Variants in TMPRSS4 observed in about 807,000 individuals in gnomAD.
The protein encoded by TMPRSS4 is transmembrane serine protease 4.
TMPRSS4 carries 45 observed loss-of-function variants against 56.4 expected under a neutral mutation model. The ratio of observed to expected loss-of-function variants is 0.80; its 90% CI spans 0.63 to 1.02. TMPRSS4 has a LOEUF of 1.02. TMPRSS4 is among the 50% of genes least tolerant of loss of function. The probability of loss-of-function intolerance (pLI) is 0.00; values close to 1 mark genes in which losing one functional copy is unlikely to be tolerated. For missense variants in TMPRSS4, 546 were observed against 556.7 expected, an observed-to-expected ratio of 0.98 and a Z score of 0.19; for synonymous variants, 205 against 211.0, an observed-to-expected ratio of 0.97 and a Z score of 0.25.
intron 4 of TMPRSS4, 108 bp from the exon 5 acceptor site, chr11:118,104,583 C>A: frequency 6.5e-7 from 1 of 1,536,610 alleles, no homozygotes; most frequent in African/African-American, 1.4e-5. Flanking sequence ...CTCTGTGGCA[C>A]CCCCAGTTCT....
At position 118,115,250 on chromosome 11, in the gene TMPRSS4, C is replaced by T; in HGVS notation, c.1122C>T (p.Gly374=). 6.2e-7 allele frequency: 1 copy of T among 1,612,862 alleles called. No homozygotes were observed. The highest frequency in any genetic ancestry group is 8.5e-7 in the Non-Finnish European group (1 of 1,179,886). ...GEVTEKMMCA[G]IPEGGVDTCQ... ...TCACCGAGAAGATGATGTGTGCAGG[C>T]ATCCCGGAAGGGGGTGTGGACACCT... The change falls in exon 11 of 13, where the codon GGC becomes GGT. Residue 374 remains glycine, a synonymous_variant. Transcript: ENST00000437212.
chr11:118,094,357 A>T (rs187291430), intron 1 of TMPRSS4, among the ~76,000 whole-genome samples: 1 of 152,194 alleles, frequency 6.6e-6, no homozygotes, highest in East Asian at 1.9e-4. Flanking sequence ...GAGAAATTTT[A>T]TTGTGGTTTG....
At chr11:118,107,950 C>T (rs549169635) in intron 6 of TMPRSS4, 75 bp downstream of exon 6, 2 of 1,245,676 alleles carry the variant, frequency 1.6e-6, no homozygotes, top group Non-Finnish European at 1.2e-6. Flanking sequence ...AACCAGCTCA[C>T]CTGGAACCCC....
intron 1 of TMPRSS4, among the ~76,000 whole-genome samples, chr11:118,087,325 G>T (rs1446997350): frequency 6.6e-6 from 1 of 152,222 alleles, no homozygotes; most frequent in African/African-American, 2.4e-5. Flanking sequence ...GGGACAGGAT[G>T]CTTGGCAAGG....
At chr11:118,084,058 A>G (rs990598395) in intron 1 of TMPRSS4, among the ~76,000 whole-genome samples, 11 of 152,112 alleles carry the variant, frequency 7.2e-5, no homozygotes, top group Non-Finnish European at 1.3e-4. Flanking sequence ...CAAAAAAACA[A>G]TTATCGTACT....
chr11:118,091,751 A>G (rs946092404), intron 1 of TMPRSS4, among the ~76,000 whole-genome samples: 2 of 152,210 alleles, frequency 1.3e-5, no homozygotes, highest in East Asian at 1.9e-4. Flanking sequence ...TGACTAGACA[A>G]GAGTTAGATG....
At chr11:118,084,615 G>T (rs988599224) in intron 1 of TMPRSS4, among the ~76,000 whole-genome samples, 3 of 152,188 alleles carry the variant, frequency 2.0e-5, no homozygotes, top group African/African-American at 7.2e-5. Flanking sequence ...CAGAACCACA[G>T]CACAGACCCT....
At chr11:118,088,516 G>A (rs887531725) in intron 1 of TMPRSS4, among the ~76,000 whole-genome samples, 1 of 152,152 alleles carries the variant, frequency 6.6e-6, no homozygotes, top group Non-Finnish European at 1.5e-5. Context: ...CCGCTACCTG[G>A]GCCCTGGGGG....
chr11:118,101,696 C>G lies in TMPRSS4; in HGVS notation c.158-1405C>G, dbSNP rs549035740. Among the ~76,000 whole-genome samples the G allele has an allele frequency of 1.3e-5, 2 of 152,274 alleles. 1 individual carries two copies. The highest frequency in any genetic ancestry group is 4.1e-4 in the South Asian group (2 of 4,820). On this transcript the variant is annotated intron_variant, in intron 3 of 12. Transcript: ENST00000437212. ...GTCTCACTATGTTGCCGAGACTGAT[C>G]TTGAATTCCTGGGCTCAAACAATCC...
At chr11:118,114,758 C>A in intron 9 of TMPRSS4, 71 bp from the exon 10 acceptor site, 1 of 1,406,242 alleles carries the variant, frequency 7.1e-7, no homozygotes, top group Non-Finnish European at 9.8e-7. Flanking sequence ...AATCATAAAG[C>A]ATCATAATTT....
intron 1 of TMPRSS4, among the ~76,000 whole-genome samples, chr11:118,093,878 A>C (rs1202419600): frequency 1.3e-5 from 2 of 149,788 alleles, no homozygotes; most frequent in African/African-American, 4.9e-5. Context: ...CTTGCCTTTT[A>C]AACTTTATAT....
At chr11:118,124,968 C>G (rs1947860422), downstream of TMPRSS4, among the ~76,000 whole-genome samples, 1 of 152,338 alleles carries the variant, frequency 6.6e-6, no homozygotes, top group East Asian at 1.9e-4. Flanking sequence ...CCAGCTCTGG[C>G]CCCTTCCATT....
At position 118,107,991 on chromosome 11, in the gene TMPRSS4, G is replaced by A. The variant is rs995172410; in HGVS notation, c.542+116G>A. On this transcript the variant is annotated intron_variant, in intron 6 of 12. Coordinates refer to ENST00000437212, the MANE Select transcript of TMPRSS4 (RefSeq NM_019894.4). ...GCCAGGGGAATGTAAGCAGACATCA[G>A]GAAGAACTCCTAGCCAGATGGATCA... The A allele has an allele frequency of 3.9e-6, 3 of 770,190 alleles. No individual in the cohort carries two copies. The African/African-American group carries it at 5.2e-5, about 13-fold the overall frequency. 47.7% of individuals were successfully genotyped at this position (770,190 alleles called of 1,614,324 possible).
chr11:118,079,985 C>T (rs1452150795), intron 1 of TMPRSS4, among the ~76,000 whole-genome samples: 1 of 152,132 alleles, frequency 6.6e-6, no homozygotes, highest in African/African-American at 2.4e-5. Flanking sequence ...GGTGACAGGG[C>T]CTGGTGTCAC....
chr11:118,099,079 C>T lies in TMPRSS4; in HGVS notation c.138C>T (p.Ile46=). 6.2e-7 allele frequency: 1 copy of T among 1,613,914 alleles called. No individual in the cohort carries two copies. The highest frequency in any genetic ancestry group is 8.5e-7 in the Non-Finnish European group (1 of 1,179,906). Residue 46 remains isoleucine (I), a synonymous_variant, in exon 3 of 13, where the codon ATC becomes ATT. Transcript: ENST00000437212. ...TAGCACTACTGAGCCTGGCGAGTAT[C>T]ATCATTGTGGTTGTCCTCAGTAAGT... is the stretch of plus-strand genomic sequence containing the variant. ...IIIALLSLAS[I]IIVVVLIKVI... is the part of the protein sequence containing the mutation.
rs768873510 is a variant in TMPRSS4, at chr11:118,103,254, G to A, written c.310+1G>A. ...TTCCCCGAAGGGCCTGCAGTGGCAG[G>A]TGAGTGCAGGGTCTGAGGCACAAGA... is the stretch of plus-strand genomic sequence containing the variant. On this transcript the variant is annotated splice_donor_variant, in intron 4 of 12. Coordinates refer to ENST00000437212, the MANE Select transcript of TMPRSS4 (RefSeq NM_019894.4). LOFTEE classifies it high-confidence loss of function. 1.9e-6 allele frequency: 3 copies of A among 1,613,110 alleles called. No individual in the cohort carries two copies. Among genetic ancestry groups the A allele is most frequent in the South Asian group, 1.1e-5 (1 of 90,974 alleles).
chr11:118,102,024 G>T (rs1946744523), intron 3 of TMPRSS4, among the ~76,000 whole-genome samples: 2 of 151,338 alleles, frequency 1.3e-5, no homozygotes, highest in African/African-American at 4.9e-5. Context: ...CCAAGTTCTG[G>T]GGTACACGTG....
chr11:118,092,442 T>A (rs2135319987), intron 1 of TMPRSS4, among the ~76,000 whole-genome samples: 1 of 152,344 alleles, frequency 6.6e-6, no homozygotes, highest in African/African-American at 2.4e-5. Context: ...AGCTGTCTTC[T>A]TGCGCTCAGT....
At chr11:118,088,818 G>T (rs1042682793) in intron 1 of TMPRSS4, among the ~76,000 whole-genome samples, 1 of 152,230 alleles carries the variant, frequency 6.6e-6, no homozygotes, top group Non-Finnish European at 1.5e-5. Context: ...CACATGTGTT[G>T]TTTGGTGACC....
Sources: gnomAD v4.1 joint callset for allele counts (sites outside exome capture counted in the v4.1 genomes callset) on GRCh38, gnomAD v4.1.1 for gene constraint, MANE v1.5 for transcripts, NCBI Gene and HGNC (gene_info 2026-07-23, HGNC 2026-07-21) for gene names.